APOOL: variants seen among roughly 807,000 people sequenced by gnomAD.
APOOL encodes apolipoprotein O like.
Under a neutral mutation model 23.1 loss-of-function variants are expected in APOOL, and 12 were observed. The observed-to-expected ratio is 0.52, with a 90% CI of 0.33 to 0.84. The LOEUF is 0.84. Among genes scored for constraint, APOOL ranks in the 40% least tolerant of loss-of-function variants. The pLI is 0.02. For synonymous variants in APOOL, 77 were observed against 69.9 expected, an observed-to-expected ratio of 1.10 and a Z score of -0.51; for missense variants, 212 against 199.6, an observed-to-expected ratio of 1.06 and a Z score of -0.37.
chrX:85,081,705 C>T (rs148208860), intron 8 of APOOL, among the ~76,000 whole-genome samples: 4,975 of 111,651 alleles, frequency 0.045, 244 homozygotes, highest in African/African-American at 0.14. Context: ...GTTCCATTCT[C>T]CCCGTCACTT....
In APOOL at chrX:85,087,732, A is replaced by G. The variant is rs1924366825; in HGVS notation, c.*54A>G. 1.0e-6 allele frequency: 1 copy of G among 1,003,105 alleles called. No homozygotes were observed. Among genetic ancestry groups the G allele is most frequent in the African/African-American group, 1.9e-5 (1 of 51,341 alleles). The allele number at this position is 1,003,105 out of a possible 1,213,427, so 82.7% of individuals were successfully genotyped here. A position where few individuals can be genotyped will look rare whatever the true frequency, so the allele number is the denominator to read the frequency against. On this transcript the variant is annotated 3_prime_UTR_variant, in exon 9 of 9. Coordinates refer to ENST00000373173, the MANE Select transcript of APOOL (RefSeq NM_198450.6). ...AAACTACAAGATGTGTGGCGTTGCAAATAATGATGAAAATAAATCATGTAA... is the reference window on the plus strand; with the variant it reads ...AAACTACAAGATGTGTGGCGTTGCAGATAATGATGAAAATAAATCATGTAA...
Position 85,087,774 on chromosome X carries a change from AGAGT to A in APOOL, c.*97_*100del. The A allele has an allele frequency of 4.0e-6, 3 of 752,941 alleles. No homozygotes were observed. The highest frequency in any genetic ancestry group is 3.3e-5 in the South Asian group (1 of 29,918). 62.1% of individuals were successfully genotyped at this position (752,941 alleles called of 1,213,427 possible). Reference sequence around the variant, plus strand: ...ATCATGTAATGGGTAACTGATACATAGAGTATTACCTAAACCAAGTTTCTCCCTT... The same window carrying A: ...ATCATGTAATGGGTAACTGATACATAATTACCTAAACCAAGTTTCTCCCTT... On this transcript the variant is annotated 3_prime_UTR_variant, in exon 9 of 9. Coordinates refer to ENST00000373173, the MANE Select transcript of APOOL (RefSeq NM_198450.6).
At chrX:85,077,079 A>C in intron 8 of APOOL, among the ~76,000 whole-genome samples, 1 of 18,490 alleles carries the variant, frequency 5.4e-5, no homozygotes, top group Non-Finnish European at 1.3e-4. Context: ...ATATATACAT[A>C]TATATATATA....
intron 3 of APOOL, 85 bp downstream of exon 3, chrX:85,051,593 A>G (rs1361003663): frequency 5.5e-6 from 6 of 1,098,346 alleles, no homozygotes; most frequent in Non-Finnish European, 7.4e-6. Flanking sequence ...AAACTAATCC[A>G]AAACTTAATG....
At chrX:85,037,705 C>T (rs1170994382) in intron 1 of APOOL, among the ~76,000 whole-genome samples, 1 of 111,263 alleles carries the variant, frequency 9.0e-6, no homozygotes, top group African/African-American at 3.3e-5. Flanking sequence ...TTCGACAAAG[C>T]ATACAAAAAC....
intron 5 of APOOL, among the ~76,000 whole-genome samples, chrX:85,056,481 C>T (rs377334846): frequency 8.9e-6 from 1 of 111,818 alleles, no homozygotes; most frequent in African/African-American, 3.2e-5. Flanking sequence ...CAGTGGCTCA[C>T]GCCTATAATC....
At chrX:85,058,505 T>A (rs751186285) in intron 5 of APOOL, among the ~76,000 whole-genome samples, 1 of 112,006 alleles carries the variant, frequency 8.9e-6, no homozygotes, top group East Asian at 2.8e-4. Context: ...TTCAAGTCTT[T>A]GCTATTGTGA....
chrX:85,061,255 T>G (rs1380991483), intron 5 of APOOL, among the ~76,000 whole-genome samples: 1 of 111,239 alleles, frequency 9.0e-6, no homozygotes, highest in African/African-American at 3.3e-5. Flanking sequence ...TGGGTAAGCA[T>G]TTTGATGTGC....
At chrX:85,076,030 C>T (rs900375100) in intron 8 of APOOL, among the ~76,000 whole-genome samples, 1 of 111,344 alleles carries the variant, frequency 9.0e-6, no homozygotes, top group Non-Finnish European at 1.9e-5. Context: ...AGACAGCCTA[C>T]TTCTCATTGT....
At chrX:85,032,122 T>G (rs12838609) in intron 1 of APOOL, among the ~76,000 whole-genome samples, 3,898 of 112,142 alleles carry the variant, frequency 0.035, 181 homozygotes, top group African/African-American at 0.12. Context: ...CTGATTAAAA[T>G]GTCTAAAAAA....
At chrX:85,086,305 C>G (rs779257838) in intron 8 of APOOL, among the ~76,000 whole-genome samples, 2 of 111,754 alleles carry the variant, frequency 1.8e-5, no homozygotes, top group Non-Finnish European at 3.8e-5. Flanking sequence ...TCTCCTAACC[C>G]TCTTAACATC....
rs1924431694 is a variant in APOOL at position 85,088,316 on chromosome X, G to GGTTTTTT, written c.*638_*639insGTTTTTT. 4.4e-5 allele frequency: 1 copy of GGTTTTTT among 22,533 alleles called. No individual in the cohort carries two copies. The highest frequency in any genetic ancestry group is 1.6e-4 in the African/African-American group (1 of 6,407). 1.9% of individuals were successfully genotyped at this position (22,533 alleles called of 1,213,427 possible). On this transcript the variant is annotated 3_prime_UTR_variant, in exon 9 of 9. Transcript: ENST00000373173. ...TGTATGGAAAGGTGTGTTTCCCTCT[G>GGTTTTTT]TTTTTTTTTTTTTTTTTTTTTTTTT...
chrX:85,078,601 A>G (rs1301528126), intron 8 of APOOL, among the ~76,000 whole-genome samples: 2 of 111,217 alleles, frequency 1.8e-5, no homozygotes, highest in African/African-American at 6.5e-5. Flanking sequence ...ATGAACTTTA[A>G]AGTAGTTTTT....
In APOOL at chrX:85,061,217, C is replaced by A. The variant is rs191659218; in HGVS notation, c.394+5292C>A. 2.7e-5 allele frequency among the ~76,000 whole-genome samples: 3 copies of A among 111,390 alleles called. No individual in the cohort carries two copies. The East Asian group carries it at 8.5e-4, about 32-fold the overall frequency. Reference sequence around the variant, plus strand: ...TGGGTATGTTGAACCAGCCTTGCATCCCAGGGATGAAGCCCACTTGATCAT... The same window carrying A: ...TGGGTATGTTGAACCAGCCTTGCATACCAGGGATGAAGCCCACTTGATCAT... On this transcript the variant is annotated intron_variant, in intron 5 of 8. Transcript: ENST00000373173.
intron 5 of APOOL, among the ~76,000 whole-genome samples, chrX:85,062,726 C>T (rs375394378): frequency 9.0e-5 from 10 of 110,952 alleles, no homozygotes; most frequent in Non-Finnish European, 1.5e-4. Context: ...TCTGTGTGCC[C>T]GTTTTTGTAC....
Position 85,065,103 on chromosome X carries a change from T to G in APOOL, c.395-2024T>G, listed in dbSNP as rs184858600. ...TATATTTAGGATAGTTAGCTCTTCT[T>G]GTTGAATTGAGCCCTTTACCATTAT... is the stretch of plus-strand genomic sequence containing the variant. On this transcript the variant is annotated intron_variant, in intron 5 of 8. Transcript: ENST00000373173. Among the ~76,000 whole-genome samples the G allele has an allele frequency of 6.0e-3, 668 of 111,932 alleles. 5 individuals carry two copies. The highest frequency in any genetic ancestry group is 0.021 in the African/African-American group (645 of 30,853).
At chrX:85,017,275 A>G (rs1037665833) in intron 1 of APOOL, among the ~76,000 whole-genome samples, 1 of 111,237 alleles carries the variant, frequency 9.0e-6, no homozygotes, top group African/African-American at 3.3e-5. Flanking sequence ...ATAGTTCTCC[A>G]GGGATTTGGA....
At chrX:85,066,882 G>C (rs773772458) in intron 5 of APOOL, among the ~76,000 whole-genome samples, 1 of 110,463 alleles carries the variant, frequency 9.1e-6, no homozygotes, top group South Asian at 3.9e-4. Context: ...AATTCCTTTT[G>C]TGTAGGTAAT....
chrX:85,024,446 T>A (rs1456212033), intron 1 of APOOL, among the ~76,000 whole-genome samples: 1 of 112,264 alleles, frequency 8.9e-6, no homozygotes, highest in Non-Finnish European at 1.9e-5. Context: ...TAGTCTCCAC[T>A]GATTGCTGTT....
Sources: allele counts gnomAD v4.1 joint callset (sites outside exome capture counted in the v4.1 genomes callset), GRCh38; gene constraint gnomAD v4.1.1; transcripts MANE v1.5; gene names NCBI Gene and HGNC (gene_info 2026-07-23, HGNC 2026-07-21).